ADGRL3: variants seen among roughly 807,000 people sequenced by gnomAD.
ADGRL3 encodes the protein calcium-independent alpha-latrotoxin receptor 3.
Under a neutral mutation model 153.5 loss-of-function variants are expected in ADGRL3, and 62 were observed. That is an observed-to-expected ratio of 0.40 (90% CI 0.33 to 0.50). The LOEUF (loss-of-function observed/expected upper bound fraction) is 0.50. Ranked by LOEUF, ADGRL3 falls within the 20% of genes least tolerant of loss-of-function variation. The pLI is 0.47. For missense variants in ADGRL3, 1,641 were observed against 1,859.4 expected (o/e 0.88, Z 2.16); for synonymous variants, 710 against 672.5 (o/e 1.06, Z -0.86).
At chr4:61,236,843 G>C (rs1342437277) in intron 1 of ADGRL3, among the ~76,000 whole-genome samples, 15 of 152,098 alleles carry the variant, frequency 9.9e-5, no homozygotes, top group Admixed American at 9.8e-4. Context: ...TATCAAAACT[G>C]TTTGTCTGCT....
chr4:61,504,833 C>A (rs576276718), intron 3 of ADGRL3, among the ~76,000 whole-genome samples: 3 of 152,020 alleles, frequency 2.0e-5, no homozygotes, highest in African/African-American at 7.3e-5. Flanking sequence ...GTATGTGTAA[C>A]CACATTTTCT....
intron 5 of ADGRL3, among the ~76,000 whole-genome samples, chr4:61,670,265 A>T (rs1216225454): frequency 6.6e-6 from 1 of 152,118 alleles, no homozygotes; most frequent in East Asian, 1.9e-4. Context: ...CTGCACTCCA[A>T]CTTGGTGACA....
At chr4:61,447,062 AC>A (rs1325711709) in intron 2 of ADGRL3, among the ~76,000 whole-genome samples, 2 of 151,920 alleles carry the variant, frequency 1.3e-5, no homozygotes, top group African/African-American at 2.4e-5. Context: ...CAGTTTTCTC[AC>A]CCCAGTTTAT....
intron 1 of ADGRL3, among the ~76,000 whole-genome samples, chr4:61,282,132 C>G (rs926377027): frequency 1.3e-5 from 2 of 152,006 alleles, no homozygotes; most frequent in Non-Finnish European, 2.9e-5. Context: ...CTTCAGTCTC[C>G]TCTAATCATT....
chr4:61,869,389 G>C (rs565901874), intron 9 of ADGRL3, among the ~76,000 whole-genome samples: 2 of 151,722 alleles, frequency 1.3e-5, no homozygotes. Context: ...ATGAGGTCAG[G>C]AGATCGAGAC....
chr4:61,258,732 C>G (rs983826567), intron 1 of ADGRL3, among the ~76,000 whole-genome samples: 2 of 152,146 alleles, frequency 1.3e-5, no homozygotes, highest in African/African-American at 2.4e-5. Flanking sequence ...ATTCTTTCTT[C>G]TTCTTTGTAG....
At chr4:61,887,198 C>T (rs1006481218) in intron 9 of ADGRL3, among the ~76,000 whole-genome samples, 2 of 151,850 alleles carry the variant, frequency 1.3e-5, no homozygotes, top group African/African-American at 2.4e-5. Flanking sequence ...TTTATATTCT[C>T]TCTTATTAAT....
intron 2 of ADGRL3, among the ~76,000 whole-genome samples, chr4:61,466,412 T>C (rs1471723036): frequency 6.6e-6 from 1 of 152,206 alleles, no homozygotes; most frequent in African/African-American, 2.4e-5. Context: ...GTATTTAATA[T>C]AGGTACCAAG....
rs1181034785 is a variant in ADGRL3, at chr4:62,018,713, C to T, written c.3396-10142C>T. Among the ~76,000 whole-genome samples the T allele has an allele frequency of 3.9e-5, 6 of 152,152 alleles. 1 individual carries two copies. Among genetic ancestry groups the T allele is most frequent in the Non-Finnish European group, 7.3e-5 (5 of 68,032 alleles). On this transcript the variant is annotated intron_variant, in intron 21 of 26. Coordinates refer to ENST00000683033, the MANE Select transcript of ADGRL3 (RefSeq NM_001387552.1). ...GCTGACTAGTGTGACCTCATTGCCCCAGCTTTCCTTTCAGAGGAAGGCCTG... is the reference window on the plus strand; with the variant it reads ...GCTGACTAGTGTGACCTCATTGCCCTAGCTTTCCTTTCAGAGGAAGGCCTG...
Position 61,214,489 on chromosome 4 carries a change from A to G in ADGRL3, c.-240+12724A>G, listed in dbSNP as rs565391488. Among the ~76,000 whole-genome samples the G allele has an allele frequency of 5.3e-5, 8 of 152,372 alleles. No individual in the cohort carries two copies. In the East Asian group the frequency reaches 1.5e-3, roughly 29 times the overall value. On this transcript the variant is annotated intron_variant, in intron 1 of 26. Coordinates refer to ENST00000683033, the MANE Select transcript of ADGRL3 (RefSeq NM_001387552.1). ...TAAGTATGAAAAGTAGGAGCAAATT[A>G]TCAGTCAATGCATTTAAAATAAATG...
intron 1 of ADGRL3, among the ~76,000 whole-genome samples, chr4:61,377,680 C>T (rs1260222395): frequency 6.6e-6 from 1 of 151,896 alleles, no homozygotes; most frequent in Non-Finnish European, 1.5e-5. Context: ...AAAGTTTACA[C>T]CTTCTTTCCT....
At chr4:61,439,874 A>G (rs990321829) in intron 2 of ADGRL3, among the ~76,000 whole-genome samples, 6 of 151,828 alleles carry the variant, frequency 4.0e-5, no homozygotes, top group African/African-American at 1.5e-4. Flanking sequence ...CTCTTTTTCC[A>G]TTCCATCCTC....
chr4:61,305,572 G>T (rs1051367049), intron 1 of ADGRL3, among the ~76,000 whole-genome samples: 2 of 151,996 alleles, frequency 1.3e-5, no homozygotes, highest in African/African-American at 4.8e-5. Flanking sequence ...AGGAAATTTG[G>T]GTTCACTCTT....
At chr4:61,836,816 A>G (rs1428167242) in intron 9 of ADGRL3, among the ~76,000 whole-genome samples, 8 of 152,118 alleles carry the variant, frequency 5.3e-5, no homozygotes, top group Non-Finnish European at 1.5e-5. Flanking sequence ...TTGACTTTAT[A>G]AACATGTAAT....
chr4:61,429,663 C>A (rs6834543), intron 2 of ADGRL3, among the ~76,000 whole-genome samples: 141,873 of 152,110 alleles, frequency 0.93, 66,971 homozygotes, highest in East Asian at 1. Context: ...TAAATGATTA[C>A]ATTTTTTGTA....
chr4:61,355,137 A>C (rs920785407), intron 1 of ADGRL3, among the ~76,000 whole-genome samples: 14 of 152,066 alleles, frequency 9.2e-5, no homozygotes, highest in Non-Finnish European at 5.9e-5. Flanking sequence ...CATTTAACTA[A>C]GGTTCAATGT....
intron 4 of ADGRL3, among the ~76,000 whole-genome samples, chr4:61,584,329 G>T (rs116316152): frequency 0.013 from 1,946 of 151,994 alleles, 19 homozygotes; most frequent in East Asian, 0.022. Context: ...CATAAAAATT[G>T]CCATACCCAT....
intron 4 of ADGRL3, among the ~76,000 whole-genome samples, chr4:61,538,691 C>T (rs2098672318): frequency 6.6e-6 from 1 of 152,148 alleles, no homozygotes; most frequent in Non-Finnish European, 1.5e-5. Flanking sequence ...ATCCACCCAT[C>T]TTGACCTCCC....
intron 5 of ADGRL3, among the ~76,000 whole-genome samples, chr4:61,631,449 G>A (rs1257562319): frequency 1.3e-5 from 2 of 152,054 alleles, no homozygotes; most frequent in Non-Finnish European, 2.9e-5. Context: ...ATCTAACCAA[G>A]GAACCCTTTT....
Sources: gnomAD v4.1 joint callset for allele counts (sites outside exome capture counted in the v4.1 genomes callset) on GRCh38, gnomAD v4.1.1 for gene constraint, MANE v1.5 for transcripts, NCBI Gene and HGNC (gene_info 2026-07-23, HGNC 2026-07-21) for gene names.